GNG2: variants seen among roughly 807,000 people sequenced by gnomAD.
GNG2 encodes the protein G protein subunit gamma 2, also known as guanine nucleotide-binding protein G(I)/G(S)/G(O) subunit gamma-2.
GNG2 carries 5 observed loss-of-function variants against 5.5 expected under a neutral mutation model. The ratio of observed to expected loss-of-function variants is 0.91; its 90% CI spans 0.48 to 1.92. The LOEUF (loss-of-function observed/expected upper bound fraction) is 1.92. GNG2 is among the 30% of genes most tolerant of loss of function. GNG2 has a pLI of 0.01. For missense variants in GNG2, 55 were observed against 88.4 expected (o/e 0.62, Z 1.52); for synonymous variants, 28 against 32.0 (o/e 0.88, Z 0.42).
At chr14:51,918,616 A>C (rs1165600112) in intron 2 of GNG2, 1 of 136,118 alleles carries the variant, frequency 7.3e-6, no homozygotes, top group Non-Finnish European at 1.6e-5. Context: ...AAACTAACTT[A>C]TATAACACAA....
At chr14:51,831,512 A>G (rs2140070545) in intron 2 of GNG2, among the ~76,000 whole-genome samples, 1 of 152,370 alleles carries the variant, frequency 6.6e-6, no homozygotes, top group East Asian at 1.9e-4. Context: ...GACTGTCGGT[A>G]TCAGAAACCA....
In GNG2 at chr14:51,911,627, T is replaced by C. The variant is rs527980707; in HGVS notation, c.-30+33970T>C. Among the ~76,000 whole-genome samples the C allele has an allele frequency of 5.5e-5, 7 of 126,392 alleles. 2 individuals are homozygous for C. In the South Asian group the frequency reaches 1.9e-3, roughly 34 times the overall value. 82.9% of individuals were successfully genotyped at this position (126,392 alleles called of 152,430 possible). On this transcript the variant is annotated intron_variant, in intron 2 of 3. Transcript: ENST00000556766. ...GGTGCTATCATAGTTCACTGTAACC[T>C]CTAACTCTTGGGCTCATGTAATCCT... is the stretch of plus-strand genomic sequence containing the variant.
chr14:51,927,124 A>G (rs1887377354), intron 2 of GNG2, among the ~76,000 whole-genome samples: 1 of 152,270 alleles, frequency 6.6e-6, no homozygotes, highest in South Asian at 2.1e-4. Context: ...TTGTAAGTCA[A>G]GATCTCATGT....
intron 2 of GNG2, among the ~76,000 whole-genome samples, chr14:51,845,308 C>T (rs150535136): frequency 0.014 from 2,189 of 152,258 alleles, 27 homozygotes; most frequent in Middle Eastern, 0.027. Context: ...CCGAGCAACA[C>T]GGCGAAGCCC....
chr14:51,893,820 A>T (rs1168024272), intron 2 of GNG2, among the ~76,000 whole-genome samples: 5 of 152,146 alleles, frequency 3.3e-5, no homozygotes, highest in African/African-American at 1.2e-4. Flanking sequence ...ACTCCATGAC[A>T]TCATTTACTT....
At chr14:51,845,381 T>C (rs1314550897) in intron 2 of GNG2, among the ~76,000 whole-genome samples, 1 of 152,098 alleles carries the variant, frequency 6.6e-6, no homozygotes, top group African/African-American at 2.4e-5. Context: ...GTGGTCCCAG[T>C]TACTCAGGAG....
intron 3 of GNG2, among the ~76,000 whole-genome samples, chr14:51,959,023 C>G (rs959393784): frequency 6.6e-5 from 10 of 152,164 alleles, no homozygotes; most frequent in African/African-American, 2.4e-4. Flanking sequence ...ATTGATGACT[C>G]ATTGTGCCTT....
At chr14:51,906,094 A>G (rs1344046376) in intron 2 of GNG2, among the ~76,000 whole-genome samples, 1 of 152,116 alleles carries the variant, frequency 6.6e-6, no homozygotes, top group Non-Finnish European at 1.5e-5. Context: ...CAGCTAATAA[A>G]CTCAGGGGAC....
chr14:51,960,983 C>T lies in GNG2; in HGVS notation c.88-5576C>T, dbSNP rs573698783. Among the ~76,000 whole-genome samples the T allele has an allele frequency of 3.9e-5, 6 of 152,214 alleles. 1 individual carries two copies. The highest frequency in any genetic ancestry group is 1.4e-4 in the African/African-American group (6 of 41,532). Reference sequence around the variant, plus strand: ...CAGAGGCCTTAAGAGCTTTCTCTCCCCTAGTGTAATTCTTTCTTCTCTGCT... The same window carrying T: ...CAGAGGCCTTAAGAGCTTTCTCTCCTCTAGTGTAATTCTTTCTTCTCTGCT... On this transcript the variant is annotated intron_variant, in intron 3 of 3. Coordinates refer to ENST00000556766, the MANE Select transcript of GNG2 (RefSeq NM_053064.5).
At chr14:51,943,619 T>C (rs938425682) in intron 2 of GNG2, among the ~76,000 whole-genome samples, 1 of 152,182 alleles carries the variant, frequency 6.6e-6, no homozygotes, top group Non-Finnish European at 1.5e-5. Context: ...AGCATTCTTC[T>C]CCAGTAAGAA....
At chr14:51,932,721 C>T (rs34653407) in intron 2 of GNG2, among the ~76,000 whole-genome samples, 1 of 152,242 alleles carries the variant, frequency 6.6e-6, no homozygotes, top group Admixed American at 6.5e-5. Flanking sequence ...AGAAAGGAAG[C>T]CATCCATTGT....
At chr14:51,874,706 G>A (rs1883542683) in intron 1 of GNG2, among the ~76,000 whole-genome samples, 1 of 151,880 alleles carries the variant, frequency 6.6e-6, no homozygotes, top group South Asian at 2.1e-4. Flanking sequence ...CTGCATTCTA[G>A]CGTGGGTGAC....
In GNG2 at chr14:51,847,875, C is replaced by CTTTTTTTT; in HGVS notation, c.64+20073_64+20074insTTTTTTTT. Among the ~76,000 whole-genome samples, 2 of 66,148 alleles carry CTTTTTTTT rather than the reference C, an allele frequency of 3.0e-5. 1 individual carries two copies. The highest frequency in any genetic ancestry group is 6.3e-5 in the Non-Finnish European group (2 of 31,510). The allele number at this position is 66,148 out of a possible 152,430, so 43.4% of individuals were successfully genotyped here. ...GGATGTTACTCTATGAATACAGGTC[C>CTTTTTTTT]TTTTTCTTTTTTTTTTTTTTTTTTT... is the stretch of plus-strand genomic sequence containing the variant. On this transcript the variant is annotated intron_variant, in intron 2 of 3. Coordinates refer to the GNG2 transcript ENST00000553432.
chr14:51,848,862 A>C (rs1238642271), intron 2 of GNG2, among the ~76,000 whole-genome samples: 6 of 152,188 alleles, frequency 3.9e-5, no homozygotes. Flanking sequence ...AATGCTGAGG[A>C]ATAGACACAC....
chr14:51,922,659 G>A (rs1793140372), intron 2 of GNG2, among the ~76,000 whole-genome samples: 2 of 151,914 alleles, frequency 1.3e-5, no homozygotes, highest in Non-Finnish European at 1.5e-5. Flanking sequence ...CCCTGTCTTC[G>A]GTTTCTTCTC....
upstream of GNG2, among the ~76,000 whole-genome samples, chr14:51,856,658 C>G (rs953174784): frequency 6.6e-6 from 1 of 152,208 alleles, no homozygotes; most frequent in Non-Finnish European, 1.5e-5. Flanking sequence ...GTCTTGAACT[C>G]CTGACCTAGT....
rs1555353927 is a variant in GNG2, at chr14:51,911,876, T to TTG, written c.-30+34220_-30+34221insGT. On this transcript the variant is annotated intron_variant, in intron 2 of 3. Transcript: ENST00000556766. ...ATAGCCTTTTCTTATGTTTTTTTTT[T>TTG]TTGTTGTTATTGTTAGATTAAAGGA... 6.9e-4 allele frequency among the ~76,000 whole-genome samples: 102 copies of TTG among 147,650 alleles called. 9 individuals carry two copies. The highest frequency in any genetic ancestry group is 2.3e-3 in the African/African-American group (90 of 39,208).
chr14:51,880,797 AG>A (rs1266401728), intron 2 of GNG2, among the ~76,000 whole-genome samples: 4 of 152,130 alleles, frequency 2.6e-5, no homozygotes. Flanking sequence ...GACTCTTAAT[AG>A]AAAGTAGCTG....
At chr14:51,850,736 A>T in intron 2 of GNG2, among the ~76,000 whole-genome samples, 1 of 152,188 alleles carries the variant, frequency 6.6e-6, no homozygotes, top group South Asian at 2.1e-4. Context: ...GCTTACAATC[A>T]TGGTAGAAGG....
Sources: allele counts gnomAD v4.1 joint callset (sites outside exome capture counted in the v4.1 genomes callset), GRCh38; gene constraint gnomAD v4.1.1; transcripts MANE v1.5; gene names NCBI Gene and HGNC (gene_info 2026-07-23, HGNC 2026-07-21).